DSCAM: variants seen among roughly 807,000 people sequenced by gnomAD.
DSCAM encodes cell adhesion molecule DSCAM.
A neutral mutation model predicts 217.7 loss-of-function variants in DSCAM; 47 were observed. That is an observed-to-expected ratio of 0.22 (90% CI 0.17 to 0.28). The LOEUF (loss-of-function observed/expected upper bound fraction) is 0.28, where lower values mean the gene tolerates loss of function less well. DSCAM is among the 10% of genes least tolerant of loss of function. The pLI is 1.00. For missense variants in DSCAM, 2,080 were observed against 2,618.3 expected, an observed-to-expected ratio of 0.79 and a Z score of 4.49; for synonymous variants, 1,056 against 1,015.3, an observed-to-expected ratio of 1.04 and a Z score of -0.76.
intron 20 of DSCAM, among the ~76,000 whole-genome samples, chr21:40,095,777 C>A (rs960844879): frequency 6.6e-6 from 1 of 152,068 alleles, no homozygotes; most frequent in Non-Finnish European, 1.5e-5. Context: ...ATAATTGGCA[C>A]AGACATTAGA....
At chr21:40,577,482 C>T (rs937102375) in intron 3 of DSCAM, among the ~76,000 whole-genome samples, 1 of 152,122 alleles carries the variant, frequency 6.6e-6, no homozygotes, top group Non-Finnish European at 1.5e-5. Flanking sequence ...GCTGTCCTTC[C>T]GGGGGAGCCC....
rs1330905484 is a variant in DSCAM, at chr21:40,033,901, C to A, written c.5686+8470G>T. On this transcript the variant is annotated intron_variant, in intron 32 of 32. Transcript: ENST00000400454. ...CCCCGAGCAGCCTAACTGGGAGGCA[C>A]CCCCCAGCAGGGGCAGACTGACACC... is the stretch of plus-strand genomic sequence containing the variant. Among the ~76,000 whole-genome samples, 3 of 98,718 alleles carry A rather than the reference C, an allele frequency of 3.0e-5. 1 individual carries two copies. Among genetic ancestry groups the A allele is most frequent in the African/African-American group, 1.0e-4 (3 of 30,002 alleles). The allele number at this position is 98,718 out of a possible 152,430, so 64.8% of individuals were successfully genotyped here. A position where few individuals can be genotyped will look rare whatever the true frequency, so the allele number is the denominator to read the frequency against.
At chr21:40,127,834 C>T (rs1002717086) in intron 19 of DSCAM, among the ~76,000 whole-genome samples, 6 of 152,156 alleles carry the variant, frequency 3.9e-5, no homozygotes, top group African/African-American at 1.4e-4. Flanking sequence ...TTGGGCTCTC[C>T]CCCTGATCTG....
intron 3 of DSCAM, among the ~76,000 whole-genome samples, chr21:40,586,394 G>C (rs191413889): frequency 6.6e-6 from 1 of 152,300 alleles, no homozygotes; most frequent in Non-Finnish European, 1.5e-5. Context: ...TTGTTTGACT[G>C]TTCTGTGTCC....
At chr21:40,747,256 G>A (rs887531500) in intron 1 of DSCAM, among the ~76,000 whole-genome samples, 1 of 144,416 alleles carries the variant, frequency 6.9e-6, no homozygotes. Context: ...CAATACAAAA[G>A]ATCAAGAAAA....
At chr21:40,506,876 G>C (rs565817030) in intron 3 of DSCAM, among the ~76,000 whole-genome samples, 1 of 152,046 alleles carries the variant, frequency 6.6e-6, no homozygotes, top group South Asian at 2.1e-4. Context: ...AATCAAAAGA[G>C]GAAAAAAATA....
At position 40,032,774 on chromosome 21, in the gene DSCAM, TCTTTTGCTTCTTA is replaced by T. The variant is rs143507096; in HGVS notation, c.5686+9584_5686+9596del. On this transcript the variant is annotated intron_variant, in intron 32 of 32. Coordinates refer to ENST00000400454, the MANE Select transcript of DSCAM (RefSeq NM_001389.5). ...AAATTGCTGGAACTCAAGGAAATCA[TCTTTTGCTTCTTA>T]CTTTTGCATCAATATCCAGCTCTAT... Among the ~76,000 whole-genome samples, 727 of 152,310 alleles carry T rather than the reference TCTTTTGCTTCTTA, an allele frequency of 4.8e-3. 7 individuals are homozygous for T. The highest frequency in any genetic ancestry group is 0.016 in the African/African-American group (678 of 41,566).
intron 3 of DSCAM, among the ~76,000 whole-genome samples, chr21:40,655,237 T>C (rs2090060959): frequency 6.6e-6 from 1 of 152,196 alleles, no homozygotes; most frequent in Admixed American, 6.5e-5. Flanking sequence ...CATGTGCTGC[T>C]ATAACAAAAC....
intron 20 of DSCAM, among the ~76,000 whole-genome samples, chr21:40,118,602 A>G (rs2089999260): frequency 1.3e-5 from 2 of 152,132 alleles, no homozygotes; most frequent in Admixed American, 1.3e-4. Flanking sequence ...AACAAACAAC[A>G]AAAAAGACAT....
rs1264248561 is a variant in DSCAM at position 40,836,761 on chromosome 21, C to A, written c.43+9858G>T. Among the ~76,000 whole-genome samples, 3 of 152,126 alleles carry A rather than the reference C, an allele frequency of 2.0e-5. No individual in the cohort carries two copies. The East Asian group carries it at 5.8e-4, about 29-fold the overall frequency. ...TTCACAGGTCGTGCATACACCAAGGCTACAGAATCAGACTCTCTGGTATCA... is the reference window on the plus strand; with the variant it reads ...TTCACAGGTCGTGCATACACCAAGGATACAGAATCAGACTCTCTGGTATCA... On this transcript the variant is annotated intron_variant, in intron 1 of 32. Coordinates refer to ENST00000400454, the MANE Select transcript of DSCAM (RefSeq NM_001389.5).
At chr21:40,597,697 A>G (rs1475498556) in intron 3 of DSCAM, among the ~76,000 whole-genome samples, 1 of 151,966 alleles carries the variant, frequency 6.6e-6, no homozygotes, top group Non-Finnish European at 1.5e-5. Flanking sequence ...TAATAGAGAC[A>G]GGGTTTTGCC....
At chr21:40,416,458 T>C (rs990714833) in intron 3 of DSCAM, among the ~76,000 whole-genome samples, 5 of 152,204 alleles carry the variant, frequency 3.3e-5, no homozygotes, top group African/African-American at 7.2e-5. Flanking sequence ...AGTTATCTAA[T>C]AAAGAAAATG....
intron 3 of DSCAM, among the ~76,000 whole-genome samples, chr21:40,487,057 A>G (rs1187309949): frequency 2.0e-5 from 3 of 152,182 alleles, no homozygotes; most frequent in Non-Finnish European, 2.9e-5. Flanking sequence ...GACTCAGAGA[A>G]TAAGACCATG....
At chr21:40,140,158 C>A (rs958655012) in intron 18 of DSCAM, among the ~76,000 whole-genome samples, 1 of 152,004 alleles carries the variant, frequency 6.6e-6, no homozygotes, top group African/African-American at 2.4e-5. Flanking sequence ...GCCTCATAAA[C>A]GAAATCTCTC....
intron 1 of DSCAM, among the ~76,000 whole-genome samples, chr21:40,736,383 G>C (rs918935505): frequency 2.0e-5 from 3 of 152,028 alleles, no homozygotes; most frequent in Non-Finnish European, 1.5e-5. Context: ...AAAGTCAGGG[G>C]GTAAGCTCAT....
At chr21:40,351,864 G>T (rs2074634931) in intron 5 of DSCAM, among the ~76,000 whole-genome samples, 1 of 152,198 alleles carries the variant, frequency 6.6e-6, no homozygotes, top group African/African-American at 2.4e-5. Context: ...CATCTTTGTG[G>T]ATGGAGGCTA....
chr21:40,306,864 T>C lies in DSCAM; in HGVS notation c.2062+5217A>G, dbSNP rs368760781. Reference sequence around the variant, plus strand: ...TTTGCCAGTATTTTATTGAGGATTTTTGCATCAATGTTCATCAAGGATATT... The same window carrying C: ...TTTGCCAGTATTTTATTGAGGATTTCTGCATCAATGTTCATCAAGGATATT... On this transcript the variant is annotated intron_variant, in intron 9 of 32. Transcript: ENST00000400454. Among the ~76,000 whole-genome samples, 27 of 152,030 alleles carry C rather than the reference T, an allele frequency of 1.8e-4. No homozygotes were observed. The East Asian group carries it at 2.5e-3, about 14-fold the overall frequency.
At chr21:40,159,038 T>A (rs949008366) in intron 16 of DSCAM, among the ~76,000 whole-genome samples, 1 of 152,228 alleles carries the variant, frequency 6.6e-6, no homozygotes, top group Non-Finnish European at 1.5e-5. Flanking sequence ...TCTTGCTTCA[T>A]GCTACCTTGA....
chr21:40,508,196 CTG>C (rs750556625), intron 3 of DSCAM, among the ~76,000 whole-genome samples: 1 of 152,188 alleles, frequency 6.6e-6, no homozygotes, highest in Non-Finnish European at 1.5e-5. Flanking sequence ...AAACCATGAA[CTG>C]TGAGTATTTA....
Sources: allele counts gnomAD v4.1 joint callset (sites outside exome capture counted in the v4.1 genomes callset), GRCh38; gene constraint gnomAD v4.1.1; transcripts MANE v1.5; gene names NCBI Gene and HGNC (gene_info 2026-07-23, HGNC 2026-07-21).